Variants in PGM2L1 observed in about 807,000 individuals in gnomAD.
PGM2L1 encodes phosphoglucomutase 2 like 1.
Under a neutral mutation model 73.4 loss-of-function variants are expected in PGM2L1, and 35 were observed. That is an observed-to-expected ratio of 0.48 (90% CI 0.36 to 0.63). The LOEUF (loss-of-function observed/expected upper bound fraction) is 0.63, where lower values mean the gene tolerates loss of function less well. Ranked by LOEUF, PGM2L1 falls within the 30% of genes least tolerant of loss-of-function variation. The pLI, the probability that PGM2L1 is intolerant of heterozygous loss-of-function variation, is 0.00. For synonymous variants in PGM2L1, 225 were observed against 253.8 expected (o/e 0.89, Z 1.08); for missense variants, 570 against 742.0 (o/e 0.77, Z 2.69).
At chr11:74,340,700 T>G (rs1862169561) in intron 12 of PGM2L1, among the ~76,000 whole-genome samples, 1 of 152,122 alleles carries the variant, frequency 6.6e-6, no homozygotes. Context: ...GGCAAAAAAG[T>G]ACATCAGAAA....
intron 5 of PGM2L1, among the ~76,000 whole-genome samples, chr11:74,365,253 G>A (rs1218927836): frequency 9.9e-5 from 15 of 152,252 alleles, no homozygotes; most frequent in East Asian, 7.7e-4. Flanking sequence ...ACCTAAAACC[G>A]TAAAAATCCC....
chr11:74,349,506 G>GAA (rs1314525771), intron 6 of PGM2L1, among the ~76,000 whole-genome samples: 1 of 152,130 alleles, frequency 6.6e-6, no homozygotes, highest in Non-Finnish European at 1.5e-5. Context: ...TCATGGCAAG[G>GAA]AAAACAAAGT....
chr11:74,358,710 G>A (rs982999286), intron 5 of PGM2L1, among the ~76,000 whole-genome samples: 56 of 152,256 alleles, frequency 3.7e-4, no homozygotes, highest in African/African-American at 9.1e-4. Flanking sequence ...CCAACATGGC[G>A]AAATCCTGTC....
In PGM2L1 at chr11:74,393,064, C is replaced by T. The variant is rs1863126436; in HGVS notation, c.111+4987G>A. Among the ~76,000 whole-genome samples, 4 of 152,322 alleles carry T rather than the reference C, an allele frequency of 2.6e-5. No individual in the cohort carries two copies. In the South Asian group the frequency reaches 8.3e-4, roughly 32 times the overall value. On this transcript the variant is annotated intron_variant, in intron 1 of 13. Coordinates refer to ENST00000298198, the MANE Select transcript of PGM2L1 (RefSeq NM_173582.6). ...TCTTTACTTGCAAAATTGGGGATAA[C>T]TACTACCTGCCTAACACACTGTTGC...
intron 1 of PGM2L1, among the ~76,000 whole-genome samples, chr11:74,386,111 GACAA>G (rs1488547202): frequency 6.6e-6 from 1 of 151,748 alleles, no homozygotes; most frequent in Non-Finnish European, 1.5e-5. Context: ...AAATTCAAAA[GACAA>G]ACTGAGAAAA....
At chr11:74,397,863 G>A (rs2134963072) in intron 1 of PGM2L1, 188 bp downstream of exon 1, 2 of 1,014,254 alleles carry the variant, frequency 2.0e-6, no homozygotes, top group East Asian at 3.1e-5. Flanking sequence ...TGCAGATGTT[G>A]CCGCCCGGCT....
intron 13 of PGM2L1, 30 bp downstream of exon 13, chr11:74,338,438 T>C (rs571803797): frequency 2.7e-6 from 4 of 1,495,830 alleles, no homozygotes; most frequent in Non-Finnish European, 3.6e-6. Context: ...AAAGCTTTTG[T>C]ATGTATATCT....
intron 1 of PGM2L1, among the ~76,000 whole-genome samples, chr11:74,392,203 G>C (rs1473690657): frequency 6.6e-6 from 1 of 152,084 alleles, no homozygotes; most frequent in Non-Finnish European, 1.5e-5. Flanking sequence ...CTGAGGAAAA[G>C]AAGAGGCAGT....
chr11:74,342,904 G>A lies in PGM2L1; in HGVS notation c.1423C>T (p.Leu475=). The A allele has an allele frequency of 1.9e-6, 3 of 1,605,174 alleles. No homozygotes were observed. The highest frequency in any genetic ancestry group is 1.1e-5 in the South Asian group (1 of 89,094). ...ACTTACTTTTCATAAACCTTAACCA[G>A]TTGCTGTTTCAATGTTATATTCATG... ...ETMNITLKQQ[L]VKVYEKYGYH... is the part of the protein sequence containing the mutation. The change falls in exon 11 of 14, where the codon CTG becomes TTG. Residue 475 remains leucine, a synonymous_variant. Transcript: ENST00000298198.
At chr11:74,383,422 G>C (rs1862975371) in intron 1 of PGM2L1, among the ~76,000 whole-genome samples, 1 of 152,126 alleles carries the variant, frequency 6.6e-6, no homozygotes, top group East Asian at 1.9e-4. Context: ...AAAGTTTACA[G>C]AATACAAATT....
intron 1 of PGM2L1, among the ~76,000 whole-genome samples, chr11:74,379,739 C>T (rs1238286201): frequency 1.3e-5 from 2 of 151,958 alleles, no homozygotes; most frequent in African/African-American, 4.8e-5. Context: ...GCCTGGACAA[C>T]ATGGTAAAAC....
chr11:74,356,254 A>T (rs1419612290), intron 5 of PGM2L1, among the ~76,000 whole-genome samples: 1 of 152,114 alleles, frequency 6.6e-6, no homozygotes, highest in Non-Finnish European at 1.5e-5. Flanking sequence ...TGTGACCTGA[A>T]CTTCACCATT....
intron 1 of PGM2L1, among the ~76,000 whole-genome samples, chr11:74,394,087 C>G (rs1296622866): frequency 1.3e-5 from 2 of 152,088 alleles, no homozygotes; most frequent in Non-Finnish European, 1.5e-5. Context: ...ATGCCTTGAT[C>G]TAGGACTTGT....
At chr11:74,366,959 G>T (rs1365301884) in intron 5 of PGM2L1, among the ~76,000 whole-genome samples, 1 of 152,184 alleles carries the variant, frequency 6.6e-6, no homozygotes, top group Non-Finnish European at 1.5e-5. Flanking sequence ...GACCAATTAG[G>T]ATGCTTAGGT....
intron 10 of PGM2L1, 37 bp downstream of exon 10, chr11:74,343,286 C>T (rs756109812): frequency 2.2e-5 from 34 of 1,532,700 alleles, no homozygotes; most frequent in Non-Finnish European, 3.0e-5. Flanking sequence ...TAAAAATTAT[C>T]AATCAAATTT....
intron 5 of PGM2L1, among the ~76,000 whole-genome samples, chr11:74,366,374 A>G (rs1862658765): frequency 6.7e-6 from 1 of 150,338 alleles, no homozygotes. Context: ...AAAAAAAAAA[A>G]GAATCCCTTG....
rs183323402 is a variant in PGM2L1 at position 74,360,629 on chromosome 11, G to T, written c.555+7863C>A. Among the ~76,000 whole-genome samples, 249 of 152,240 alleles carry T rather than the reference G, an allele frequency of 1.6e-3. 1 individual carries two copies. The highest frequency in any genetic ancestry group is 1.3e-3 in the Non-Finnish European group (89 of 68,010). Reference sequence around the variant, plus strand: ...TGACACATCGCCTCACCCAGGAAGCGCAAGGGGTCATGGAATTCCCTTTCC... The same window carrying T: ...TGACACATCGCCTCACCCAGGAAGCTCAAGGGGTCATGGAATTCCCTTTCC... On this transcript the variant is annotated intron_variant, in intron 5 of 13. Coordinates refer to ENST00000298198, the MANE Select transcript of PGM2L1 (RefSeq NM_173582.6).
At chr11:74,374,647 T>A in intron 1 of PGM2L1, 65 bp from the exon 2 acceptor site, 1 of 1,407,156 alleles carries the variant, frequency 7.1e-7, no homozygotes, top group Non-Finnish European at 9.9e-7. Flanking sequence ...TAAGCCCTTC[T>A]GAGGGGTCAA....
chr11:74,367,603 T>C (rs547793687), intron 5 of PGM2L1, among the ~76,000 whole-genome samples: 2 of 152,318 alleles, frequency 1.3e-5, no homozygotes, highest in South Asian at 4.1e-4. Flanking sequence ...ATACTCTCTC[T>C]GGGCTACTCA....
Sources: gnomAD v4.1 joint callset for allele counts (sites outside exome capture counted in the v4.1 genomes callset) on GRCh38, gnomAD v4.1.1 for gene constraint, MANE v1.5 for transcripts, NCBI Gene and HGNC (gene_info 2026-07-23, HGNC 2026-07-21) for gene names.